PARG: variants seen among roughly 807,000 people sequenced by gnomAD.
The protein encoded by PARG is poly(ADP-ribose) glycohydrolase.
PARG carries 35 observed loss-of-function variants against 113.0 expected under a neutral mutation model. That is an observed-to-expected ratio of 0.31 (90% CI 0.24 to 0.41). The LOEUF (loss-of-function observed/expected upper bound fraction) is 0.41. Among genes scored for constraint, PARG ranks in the 10% least tolerant of loss-of-function variants. The pLI, the probability that PARG is intolerant of heterozygous loss-of-function variation, is 1.00. For synonymous variants in PARG, 330 were observed against 409.9 expected, an observed-to-expected ratio of 0.81 and a Z score of 2.36; for missense variants, 797 against 1,169.4, an observed-to-expected ratio of 0.68 and a Z score of 4.64.
Position 49,922,402 on chromosome 10 carries a change from C to A in PARG, c.1596G>T (p.Ala532=). The A allele has an allele frequency of 6.2e-7, 1 of 1,608,310 alleles. No individual in the cohort carries two copies. The highest frequency in any genetic ancestry group is 1.3e-5 in the African/African-American group (1 of 74,918). ...PVEDENGERT[A]GSRWELIQTA... ...TCTGAATGAGCTCCCACCGGCTCCC[C>A]GCAGTTCGCTCACCATTCTTTTGGA... Residue 532 remains alanine (A), a synonymous_variant, in exon 6 of 18, where the codon GCG becomes GCT. Coordinates refer to ENST00000616448, the MANE Select transcript of PARG (RefSeq NM_003631.5).
At chr10:49,820,086 A>G in intron 17 of PARG, 79 bp downstream of exon 17, 1 of 990,288 alleles carries the variant, frequency 1.0e-6, no homozygotes, top group Non-Finnish European at 1.5e-6. Flanking sequence ...ACTGTGATTC[A>G]TCCAGATTTA....
At chr10:49,852,768 G>A (rs1554834406) in intron 13 of PARG, among the ~76,000 whole-genome samples, 1 of 151,416 alleles carries the variant, frequency 6.6e-6, no homozygotes, top group African/African-American at 2.4e-5. Flanking sequence ...GTTTCACCGT[G>A]TTAGCCAGGA....
intron 7 of PARG, among the ~76,000 whole-genome samples, chr10:49,896,883 T>C (rs1232276465): frequency 1.3e-5 from 2 of 152,242 alleles, no homozygotes; most frequent in African/African-American, 4.8e-5. Flanking sequence ...TATTATATCT[T>C]CCTTAAATGT....
chr10:49,916,124 A>G (rs2132848223), intron 6 of PARG, 133 bp from the exon 7 acceptor site: 1 of 672,510 alleles, frequency 1.5e-6, no homozygotes, highest in African/African-American at 1.8e-5. Flanking sequence ...TCCCCCTGCT[A>G]CTGATATGGA....
At chr10:49,841,114 G>A (rs1158837960) in intron 15 of PARG, among the ~76,000 whole-genome samples, 2 of 152,046 alleles carry the variant, frequency 1.3e-5, no homozygotes, top group East Asian at 1.9e-4. Flanking sequence ...TTAGCTGGGC[G>A]TGGTGGCAGG....
chr10:49,856,378 T>C (rs1174364273), intron 13 of PARG, among the ~76,000 whole-genome samples: 2 of 151,182 alleles, frequency 1.3e-5, no homozygotes, highest in African/African-American at 2.4e-5. Context: ...CGGGGTTTCA[T>C]CATGTTGGCC....
rs183736191 is a variant in PARG at position 49,828,425 on chromosome 10, C to T, written c.2647+4378G>A. Among the ~76,000 whole-genome samples, 130 of 152,250 alleles carry T rather than the reference C, an allele frequency of 8.5e-4. 2 individuals carry two copies. The highest frequency in any genetic ancestry group is 1.6e-3 in the Non-Finnish European group (110 of 68,020). On this transcript the variant is annotated intron_variant, in intron 16 of 17. Transcript: ENST00000616448. ...GAAATAAGTAGAGCTTGCACTGGCT[C>T]GAAAGCTTTCACATGAGTTCCACAA...
intron 13 of PARG, among the ~76,000 whole-genome samples, chr10:49,852,667 A>C (rs1845809375): frequency 6.6e-6 from 1 of 150,420 alleles, no homozygotes; most frequent in Non-Finnish European, 1.5e-5. Context: ...CACGTTCAAA[A>C]GATTCTCCCA....
Position 49,923,419 on chromosome 10 carries a change from TAG to T in PARG, c.1456-752_1456-751del, listed in dbSNP as rs201558360. Among the ~76,000 whole-genome samples the T allele has an allele frequency of 6.0e-3, 921 of 152,270 alleles. 4 individuals are homozygous for T. Among genetic ancestry groups the T allele is most frequent in the Non-Finnish European group, 9.8e-3 (666 of 68,024 alleles). On this transcript the variant is annotated intron_variant, in intron 4 of 17. Transcript: ENST00000616448. ...AACTTTGTATTCTGAATATGTAAGATAGAACCTGGTATGTGTACATGTGTACG... is the reference window on the plus strand; with the variant it reads ...AACTTTGTATTCTGAATATGTAAGATAACCTGGTATGTGTACATGTGTACG...
At chr10:49,920,031 T>C (rs1258796699) in intron 6 of PARG, among the ~76,000 whole-genome samples, 1 of 152,084 alleles carries the variant, frequency 6.6e-6, no homozygotes. Flanking sequence ...AAAAAAGGAA[T>C]AATGACTACA....
chr10:49,904,599 T>A (rs1848490584), intron 7 of PARG, among the ~76,000 whole-genome samples: 1 of 151,618 alleles, frequency 6.6e-6, no homozygotes, highest in South Asian at 2.1e-4. Context: ...TATTTTGCTA[T>A]GAATCTAAAA....
At chr10:49,913,896 C>A (rs1236455696) in intron 7 of PARG, among the ~76,000 whole-genome samples, 1 of 151,770 alleles carries the variant, frequency 6.6e-6, no homozygotes, top group African/African-American at 2.4e-5. Context: ...GAGTGAGACT[C>A]CATTTCATAA....
At chr10:49,890,698 A>T (rs1161901193) in intron 7 of PARG, among the ~76,000 whole-genome samples, 1 of 152,246 alleles carries the variant, frequency 6.6e-6, no homozygotes, top group Non-Finnish European at 1.5e-5. Flanking sequence ...TAAAGGAACT[A>T]AATCTGCCAA....
intron 7 of PARG, among the ~76,000 whole-genome samples, chr10:49,905,499 T>G (rs1456846754): frequency 6.6e-6 from 1 of 152,174 alleles, no homozygotes; most frequent in African/African-American, 2.4e-5. Flanking sequence ...ATGGAATACT[T>G]GCTACAAAGG....
intron 13 of PARG, among the ~76,000 whole-genome samples, chr10:49,846,746 ATG>A (rs35901101): frequency 0.21 from 30,693 of 148,900 alleles, 3,914 homozygotes; most frequent in African/African-American, 0.33. Context: ...ACAGTTGTAT[ATG>A]TGTGTGTGTG....
intron 7 of PARG, among the ~76,000 whole-genome samples, chr10:49,910,805 T>A (rs187306159): frequency 1.2e-3 from 178 of 152,316 alleles, no homozygotes; most frequent in African/African-American, 2.3e-3. Flanking sequence ...AATATATATG[T>A]ATAGTCTAAT....
intron 6 of PARG, among the ~76,000 whole-genome samples, chr10:49,920,569 T>C (rs1342401208): frequency 7.0e-6 from 1 of 143,438 alleles, no homozygotes; most frequent in Non-Finnish European, 1.5e-5. Flanking sequence ...TACGTATATA[T>C]ACGTGTATAT....
chr10:49,937,211 T>C (rs1838790441), intron 1 of PARG, among the ~76,000 whole-genome samples: 1 of 152,238 alleles, frequency 6.6e-6, no homozygotes, highest in African/African-American at 2.4e-5. Context: ...GCGCAGTGGC[T>C]TATGCCTGTA....
intron 1 of PARG, among the ~76,000 whole-genome samples, chr10:49,940,710 C>T (rs1389648500): frequency 0.07 from 10,596 of 151,950 alleles, 520 homozygotes; most frequent in African/African-American, 0.12. Context: ...GTATTTTTAG[C>T]AGAGACGGGG....
Sources: gnomAD v4.1 joint callset for allele counts (sites outside exome capture counted in the v4.1 genomes callset) on GRCh38, gnomAD v4.1.1 for gene constraint, MANE v1.5 for transcripts, NCBI Gene and HGNC (gene_info 2026-07-23, HGNC 2026-07-21) for gene names.